CNTNAP2: variants seen among roughly 807,000 people sequenced by gnomAD.
CNTNAP2 encodes contactin-associated protein-like 2.
In CNTNAP2, 98 loss-of-function variants were observed where a neutral mutation model predicts 155.2. The ratio of observed to expected loss-of-function variants is 0.63; its 90% CI spans 0.54 to 0.75. CNTNAP2 has a LOEUF of 0.75. Among genes scored for constraint, CNTNAP2 ranks in the 30% least tolerant of loss-of-function variants. The probability of loss-of-function intolerance (pLI) is 0.00; values close to 1 mark genes in which losing one functional copy is unlikely to be tolerated. For missense variants in CNTNAP2, 1,727 were observed against 1,688.1 expected (o/e 1.02, Z -0.40); for synonymous variants, 651 against 631.2 (o/e 1.03, Z -0.47).
intron 1 of CNTNAP2, among the ~76,000 whole-genome samples, chr7:146,482,692 G>C (rs1215143604): frequency 6.6e-6 from 1 of 151,458 alleles, no homozygotes; most frequent in African/African-American, 2.4e-5. Context: ...GCAGTGAGCT[G>C]AGATCACGCC....
At chr7:147,925,146 A>AGG (rs1800363261) in intron 14 of CNTNAP2, among the ~76,000 whole-genome samples, 1 of 85,378 alleles carries the variant, frequency 1.2e-5, no homozygotes, top group Non-Finnish European at 2.5e-5. Flanking sequence ...AGAGAGAGAG[A>AGG]GAGAGAGAGA....
Position 148,025,634 on chromosome 7 carries a change from A to G in CNTNAP2, c.2383+47645A>G, listed in dbSNP as rs112990981. ...GTTACCTTAGTACTCAAAACAATCT[A>G]TGGTCCCTCTTCTCAACCTTTCTTT... On this transcript the variant is annotated intron_variant, in intron 15 of 23. Coordinates refer to ENST00000361727, the MANE Select transcript of CNTNAP2 (RefSeq NM_014141.6). Among the ~76,000 whole-genome samples, 5 of 152,276 alleles carry G rather than the reference A, an allele frequency of 3.3e-5. 1 individual carries two copies. Among genetic ancestry groups the G allele is most frequent in the African/African-American group, 7.2e-5 (3 of 41,566 alleles).
At chr7:147,329,825 G>A (rs900243291) in intron 9 of CNTNAP2, among the ~76,000 whole-genome samples, 3 of 151,874 alleles carry the variant, frequency 2.0e-5, no homozygotes, top group Admixed American at 1.3e-4. Context: ...CCTTTGTCAC[G>A]GTGCACTTAT....
intron 15 of CNTNAP2, among the ~76,000 whole-genome samples, chr7:148,021,724 A>G (rs917487814): frequency 1.3e-5 from 2 of 152,158 alleles, no homozygotes; most frequent in African/African-American, 4.8e-5. Flanking sequence ...GAATGCAGGA[A>G]TGTGCTCACA....
At chr7:146,534,372 T>C (rs911585589) in intron 1 of CNTNAP2, among the ~76,000 whole-genome samples, 12 of 152,136 alleles carry the variant, frequency 7.9e-5, no homozygotes, top group Non-Finnish European at 1.3e-4. Context: ...ACACCTGTCA[T>C]GAAAGTGGGT....
intron 12 of CNTNAP2, among the ~76,000 whole-genome samples, chr7:147,628,316 G>A (rs1007178599): frequency 1.3e-5 from 2 of 152,092 alleles, no homozygotes; most frequent in Non-Finnish European, 1.5e-5. Context: ...GAAAGAATTG[G>A]GGTGTCATCT....
At chr7:147,863,869 C>CTGTA (rs1303472535) in intron 13 of CNTNAP2, among the ~76,000 whole-genome samples, 1 of 151,778 alleles carries the variant, frequency 6.6e-6, no homozygotes, top group Non-Finnish European at 1.5e-5. Flanking sequence ...TTCTCCCATT[C>CTGTA]TGTAGGTTGC....
chr7:146,450,642 T>C (rs1330358863), intron 1 of CNTNAP2, among the ~76,000 whole-genome samples: 1 of 152,124 alleles, frequency 6.6e-6, no homozygotes, highest in Non-Finnish European at 1.5e-5. Context: ...TGAAAACAAA[T>C]CACCAAGCCA....
intron 1 of CNTNAP2, among the ~76,000 whole-genome samples, chr7:146,141,183 A>C (rs1797876198): frequency 6.6e-6 from 1 of 152,196 alleles, no homozygotes; most frequent in Admixed American, 6.5e-5. Flanking sequence ...CATGGTGTCT[A>C]AGTGGCACAA....
At chr7:148,381,637 C>A (rs1730417) in intron 21 of CNTNAP2, 7 of 152,462 alleles carry the variant, frequency 4.6e-5, no homozygotes, top group African/African-American at 1.7e-4. Context: ...AGGGGGCAGG[C>A]CCATGGGTGG....
At chr7:146,757,811 ATTTC>A (rs1264101436) in intron 1 of CNTNAP2, among the ~76,000 whole-genome samples, 7 of 151,836 alleles carry the variant, frequency 4.6e-5, no homozygotes, top group African/African-American at 1.7e-4. Context: ...CTATGGCTCT[ATTTC>A]TTATTTCAAA....
At chr7:146,567,359 A>G (rs1798373077) in intron 1 of CNTNAP2, among the ~76,000 whole-genome samples, 2 of 152,206 alleles carry the variant, frequency 1.3e-5, no homozygotes, top group South Asian at 4.1e-4. Context: ...GACTATATGA[A>G]TACCTTCAAA....
intron 21 of CNTNAP2, among the ~76,000 whole-genome samples, chr7:148,348,116 CTG>C (rs554401560): frequency 1.8e-3 from 277 of 152,314 alleles, no homozygotes; most frequent in Non-Finnish European, 2.9e-3. Flanking sequence ...AAGTCTAACA[CTG>C]TTTCTCTGGT....
intron 1 of CNTNAP2, among the ~76,000 whole-genome samples, chr7:146,636,751 G>A (rs1288627013): frequency 6.6e-6 from 1 of 152,192 alleles, no homozygotes; most frequent in Non-Finnish European, 1.5e-5. Flanking sequence ...AGCCAAACCA[G>A]ATTTTCTTCA....
At chr7:146,457,140 T>A (rs890920054) in intron 1 of CNTNAP2, among the ~76,000 whole-genome samples, 1 of 152,098 alleles carries the variant, frequency 6.6e-6, no homozygotes, top group African/African-American at 2.4e-5. Flanking sequence ...ATTTGTCATT[T>A]GCTAAATGCA....
chr7:148,163,747 T>G (rs559770055), intron 17 of CNTNAP2, among the ~76,000 whole-genome samples: 30 of 152,214 alleles, frequency 2.0e-4, no homozygotes, highest in Non-Finnish European at 4.0e-4. Context: ...CCCTCCAATA[T>G]CTAGCTGACA....
chr7:146,870,547 C>T (rs10262822), intron 3 of CNTNAP2, among the ~76,000 whole-genome samples: 108,873 of 151,990 alleles, frequency 0.72, 39,992 homozygotes, highest in African/African-American at 0.88. Flanking sequence ...GTGAATACTT[C>T]TATATATTCA....
chr7:147,708,334 C>A (rs1796349021), intron 13 of CNTNAP2, among the ~76,000 whole-genome samples: 1 of 152,170 alleles, frequency 6.6e-6, no homozygotes, highest in Admixed American at 6.5e-5. Flanking sequence ...ATGGCTTGCA[C>A]TTGAATATTG....
chr7:146,993,965 C>A, intron 3 of CNTNAP2, among the ~76,000 whole-genome samples: 1 of 152,140 alleles, frequency 6.6e-6, no homozygotes, highest in Non-Finnish European at 1.5e-5. Context: ...ATGTGTCTGG[C>A]AGCTGAACTA....
Sources: allele counts gnomAD v4.1 joint callset (sites outside exome capture counted in the v4.1 genomes callset), GRCh38; gene constraint gnomAD v4.1.1; transcripts MANE v1.5; gene names NCBI Gene and HGNC (gene_info 2026-07-23, HGNC 2026-07-21).